The following NCOR1 variants were observed in gnomAD, a reference collection of about 807,000 sequenced individuals.
The protein encoded by NCOR1 is nuclear receptor corepressor 1, also known as protein phosphatase 1, regulatory subunit 109.
NCOR1 carries 63 observed loss-of-function variants against 288.1 expected under a neutral mutation model. That is an observed-to-expected ratio of 0.22 (90% CI 0.18 to 0.27). NCOR1 has a LOEUF of 0.27. NCOR1 is among the 10% of genes least tolerant of loss of function. NCOR1 has a pLI of 1.00. For synonymous variants in NCOR1, 1,007 were observed against 1,065.9 expected (o/e 0.94, Z 1.08); for missense variants, 2,397 against 3,019.2 (o/e 0.79, Z 4.83).
Position 16,071,468 on chromosome 17 carries a change from G to C in NCOR1, c.4093C>G (p.Arg1365Gly). The C allele has an allele frequency of 6.2e-7, 1 of 1,614,094 alleles. No homozygotes were observed. Among genetic ancestry groups the C allele is most frequent in the Non-Finnish European group, 8.5e-7 (1 of 1,180,024 alleles). Reference sequence around the variant, plus strand: ...CTCTGGACCACTTCTGGAGTTTTCCGACTTTCCTGAGTTAAAATATCTTGC... The same window carrying C: ...CTCTGGACCACTTCTGGAGTTTTCCCACTTTCCTGAGTTAAAATATCTTGC... ...PRQDILTQES[R>G]KTPEVVQSTR... Residue 1365 changes from arginine to glycine, a missense_variant, in exon 30 of 46, where the codon CGG (arginine) becomes GGG (glycine). By Grantham distance (125) the Arg-to-Gly change is moderately radical. This residue lies in a region of NCOR1 where 1,872 missense variants were observed against 2,187.8 expected (regional missense o/e 0.86). Coordinates refer to ENST00000268712, the MANE Select transcript of NCOR1 (RefSeq NM_006311.4).
intron 40 of NCOR1, among the ~76,000 whole-genome samples, chr17:16,052,598 A>G (rs1223924645): frequency 6.6e-6 from 1 of 152,220 alleles, no homozygotes; most frequent in Non-Finnish European, 1.5e-5. Context: ...TCTGAAATTG[A>G]GTCAGTAATA....
Position 16,158,861 on chromosome 17 carries a change from C to G in NCOR1, c.631G>C (p.Glu211Gln). 1 of 1,613,752 alleles carries G rather than the reference C, an allele frequency of 6.2e-7. No individual in the cohort carries two copies. The highest frequency in any genetic ancestry group is 8.5e-7 in the Non-Finnish European group (1 of 1,179,716). The change falls in exon 6 of 46, where the codon GAA becomes CAA. Residue 211 changes from glutamate to glutamine, a missense_variant. Coordinates refer to ENST00000268712, the MANE Select transcript of NCOR1 (RefSeq NM_006311.4). ...KLKKKQQQLE[E>Q]EAAKPPEPEK... ...GGCTCAGGAGGTTTAGCTGCCTCTT[C>G]TTCAAGCTGTTGCTAAGAGATCCAG...
At chr17:16,039,392 T>TG (rs746139931) in intron 44 of NCOR1, 41 bp downstream of exon 44, 1 of 1,587,074 alleles carries the variant, frequency 6.3e-7, no homozygotes, top group East Asian at 2.3e-5. Context: ...CTGGCTTTTT[T>TG]GGGGAAAAGC....
At chr17:16,151,821 G>C in intron 8 of NCOR1, 125 bp downstream of exon 8, 1 of 967,022 alleles carries the variant, frequency 1.0e-6, no homozygotes, top group South Asian at 1.5e-5. Context: ...TAAAACGACA[G>C]CAAATTACAC....
At position 16,049,033 on chromosome 17, in the gene NCOR1, C is replaced by A. The variant is rs765645175; in HGVS notation, c.6393-45G>T. Reference sequence around the variant, plus strand: ...ATTAGATTGTGTTTCAAAGGCTAACCTGGGACTTACCTAAACAGAAACTTG... The same window carrying A: ...ATTAGATTGTGTTTCAAAGGCTAACATGGGACTTACCTAAACAGAAACTTG... On this transcript the variant is annotated intron_variant, in intron 40 of 45. Transcript: ENST00000268712. The A allele has an allele frequency of 2.6e-6, 4 of 1,515,744 alleles. No individual in the cohort carries two copies. In the Admixed American group the frequency reaches 5.6e-5, roughly 21 times the overall value. 93.9% of individuals were successfully genotyped at this position (1,515,744 alleles called of 1,614,324 possible). A position where few individuals can be genotyped will look rare whatever the true frequency, so the allele number is the denominator to read the frequency against.
chr17:16,194,451 C>G lies in NCOR1; in HGVS notation c.108+11G>C. On this transcript the variant is annotated intron_variant, in intron 2 of 45. Transcript: ENST00000268712. Reference sequence around the variant, plus strand: ...AAAACATGTGCAATTTGCATACTATCTGTTCCTTACCTGCTGGTGGCGGGT... The same window carrying G: ...AAAACATGTGCAATTTGCATACTATGTGTTCCTTACCTGCTGGTGGCGGGT... 6.4e-7 allele frequency: 1 copy of G among 1,554,158 alleles called. No individual in the cohort carries two copies. Among genetic ancestry groups the G allele is most frequent in the Non-Finnish European group, 8.8e-7 (1 of 1,131,654 alleles).
In NCOR1 at chr17:16,057,653, G is replaced by A. The variant is rs778161542; in HGVS notation, c.6253C>T (p.Pro2085Ser). Residue 2085 changes from proline (P) to serine (S), a missense_variant, in exon 40 of 46, where the codon CCT becomes TCT. By Grantham distance (74) the Pro-to-Ser change is moderately conservative (BLOSUM62 -1). Transcript: ENST00000268712. ...ACAGGTGTAGATACCAAAGCAGAAG[G>A]TGAGTTCTGGAATGTAGAAGTAGGA... The part of the protein sequence containing the change: ...QPPTSTFQNS[P>S]SALVSTPVRT... 13 of 1,613,996 alleles carry A rather than the reference G, an allele frequency of 8.1e-6. No individual in the cohort carries two copies. Among genetic ancestry groups the A allele is most frequent in the African/African-American group, 2.7e-5 (2 of 74,884 alleles).
rs755463903 is a variant in NCOR1 at position 16,058,562 on chromosome 17, A to G, written c.5919T>C (p.Ile1973=). ...SHRYETPSDA[I]EVISPASSPA... ...GTGAGCTGGCAGGACTTATCACCTC[A>G]ATAGCATCGCTAGGTGTTTCATACC... The change falls in exon 38 of 46, where the codon ATT becomes ATC. Residue 1973 remains isoleucine, a synonymous_variant. Transcript: ENST00000268712. 6.2e-7 allele frequency: 1 copy of G among 1,613,232 alleles called. No individual in the cohort carries two copies. The highest frequency in any genetic ancestry group is 8.5e-7 in the Non-Finnish European group (1 of 1,179,474).
Position 16,065,548 on chromosome 17 carries a change from C to T in NCOR1, c.4888G>A (p.Asp1630Asn). 2.5e-6 allele frequency: 4 copies of T among 1,614,208 alleles called. No homozygotes were observed. The highest frequency in any genetic ancestry group is 3.4e-6 in the Non-Finnish European group (4 of 1,180,052). Reference protein sequence around the residue: ...SQQMQVNLRPDVARGLSPREQ... With the variant: ...SQQMQVNLRPNVARGLSPREQ... ...CTTGGGGAGAGTCCTCTGGCCACATCTGGACGCAAGTTCACTTGCATCTGT... is the reference window on the plus strand; with the variant it reads ...CTTGGGGAGAGTCCTCTGGCCACATTTGGACGCAAGTTCACTTGCATCTGT... The change falls in exon 33 of 46, where the codon GAT becomes AAT. Residue 1630 changes from aspartate (D) to asparagine (N), a missense_variant. By Grantham distance (23) the Asp-to-Asn change is conservative (BLOSUM62 1). Around this residue, in one of 11 missense-constraint regions of NCOR1, gnomAD observed 1,872 missense variants for 2,187.8 expected, o/e 0.86. Coordinates refer to ENST00000268712, the MANE Select transcript of NCOR1 (RefSeq NM_006311.4).
Position 16,080,035 on chromosome 17 carries a change from T to C in NCOR1, c.3430A>G (p.Ile1144Val). The C allele has an allele frequency of 6.2e-7, 1 of 1,614,160 alleles. No individual in the cohort carries two copies. The highest frequency in any genetic ancestry group is 8.5e-7 in the Non-Finnish European group (1 of 1,180,028). ...GTAGAIQEGSITRGTPTSKIS... is the reference protein window; with the variant it reads ...GTAGAIQEGSVTRGTPTSKIS... ...TTGCTGGTTGGAGTTCCCCGAGTTA[T>C]ACTTCCTTCTTGTATGGCTCCTGCG... The change falls in exon 26 of 46, where the codon ATA becomes GTA. Residue 1144 changes from isoleucine (I) to valine (V), a missense_variant. Ile to Val is a conservative substitution (Grantham distance 29). Transcript: ENST00000268712.
At chr17:16,055,816 CT>C (rs1205127540) in intron 40 of NCOR1, among the ~76,000 whole-genome samples, 1 of 152,028 alleles carries the variant, frequency 6.6e-6, no homozygotes, top group Non-Finnish European at 1.5e-5. Flanking sequence ...CATTTCTTTT[CT>C]TTTTTTGGTT....
In NCOR1 at chr17:16,070,201, A is replaced by G; in HGVS notation, c.4477T>C (p.Ser1493Pro). 1.2e-6 allele frequency: 2 copies of G among 1,613,522 alleles called. No homozygotes were observed. Among genetic ancestry groups the G allele is most frequent in the Non-Finnish European group, 8.5e-7 (1 of 1,179,926 alleles). Reference protein sequence around the residue: ...RTPVSYQNTMSRGSPMMNRTS... With the variant: ...RTPVSYQNTMPRGSPMMNRTS... The stretch of plus-strand genomic sequence containing the variant: ...CTGTTCATCATGGGTGAGCCTCTGG[A>G]CATGGTGTTTTGATAACTCACAGGG... The change falls in exon 31 of 46, where the codon TCC (serine) becomes CCC (proline). Residue 1493 changes from serine (S) to proline (P), a missense_variant. Coordinates refer to ENST00000268712, the MANE Select transcript of NCOR1 (RefSeq NM_006311.4).
At chr17:16,095,456 C>CG (rs1207204441) in intron 21 of NCOR1, among the ~76,000 whole-genome samples, 1 of 146,886 alleles carries the variant, frequency 6.8e-6, no homozygotes, top group Non-Finnish European at 1.5e-5. Context: ...GTCAGCCCCC[C>CG]GCCCGGCCAG....
rs779928421 is a variant in NCOR1 at position 16,062,234 on chromosome 17, T to A, written c.5258A>T (p.Tyr1753Phe). ...EQPGRPGSHG[Y>F]VRSPSPSVRT... ...TACTGAAGGGGAAGGGGAGCGAACATATCCATGACTGCCAGGTCGGCCAGG... is the reference window on the plus strand; with the variant it reads ...TACTGAAGGGGAAGGGGAGCGAACAAATCCATGACTGCCAGGTCGGCCAGG... Residue 1753 changes from tyrosine (Y) to phenylalanine (F), a missense_variant, in exon 36 of 46, where the codon TAT becomes TTT. Tyr to Phe is a conservative substitution (Grantham distance 22). Transcript: ENST00000268712. 8 of 1,611,484 alleles carry A rather than the reference T, an allele frequency of 5.0e-6. No individual in the cohort carries two copies. Among genetic ancestry groups the A allele is most frequent in the Non-Finnish European group, 6.8e-6 (8 of 1,179,554 alleles).
intron 18 of NCOR1, among the ~76,000 whole-genome samples, chr17:16,110,345 C>G (rs907385183): frequency 1.3e-5 from 2 of 151,028 alleles, no homozygotes; most frequent in Non-Finnish European, 2.9e-5. Context: ...GACAGTGAGA[C>G]TCGTTCAAAA....
chr17:16,125,895 G>C (rs1275633235), intron 15 of NCOR1, among the ~76,000 whole-genome samples, 187 bp downstream of exon 15: 1 of 151,956 alleles, frequency 6.6e-6, no homozygotes, highest in African/African-American at 2.4e-5. Flanking sequence ...ACAGGTGAGA[G>C]GGTGCGAGGG....
intron 42 of NCOR1, among the ~76,000 whole-genome samples, chr17:16,042,830 T>C (rs1199722250): frequency 1.3e-5 from 2 of 152,196 alleles, no homozygotes; most frequent in Non-Finnish European, 1.5e-5. Flanking sequence ...GCCAGTAAGT[T>C]AGTCAAGAAG....
At position 16,070,461 on chromosome 17, in the gene NCOR1, A is replaced by G; in HGVS notation, c.4217T>C (p.Leu1406Ser). ...QSAIKHNVKS[L>S]ITGPSKLSRG... Reference sequence around the variant, plus strand: ...GGATAGTTTGCTAGGCCCCGTGATTAAGGATTTGACATTGTGTTTGATGGC... The same window carrying G: ...GGATAGTTTGCTAGGCCCCGTGATTGAGGATTTGACATTGTGTTTGATGGC... The change falls in exon 31 of 46, where the codon TTA becomes TCA. Residue 1406 changes from leucine (L) to serine (S), a missense_variant. By Grantham distance (145) the Leu-to-Ser change is moderately radical. Transcript: ENST00000268712. 1 of 1,614,188 alleles carries G rather than the reference A, an allele frequency of 6.2e-7. No homozygotes were observed. Among genetic ancestry groups the G allele is most frequent in the Non-Finnish European group, 8.5e-7 (1 of 1,180,036 alleles).
chr17:16,063,586 A>G (rs1319332592), intron 35 of NCOR1, among the ~76,000 whole-genome samples: 1 of 152,164 alleles, frequency 6.6e-6, no homozygotes, highest in African/African-American at 2.4e-5. Context: ...GACCAGCCAT[A>G]CCCACTCTTC....
Sources: gnomAD v4.1 joint callset for allele counts (sites outside exome capture counted in the v4.1 genomes callset) on GRCh38, gnomAD v4.1.1 for gene constraint, gnomAD v4.1.1 regional missense constraint, MANE v1.5 for transcripts, NCBI Gene and HGNC (gene_info 2026-07-23, HGNC 2026-07-21) for gene names.